The following EPHB1 variants were observed in gnomAD, a reference collection of about 807,000 sequenced individuals.
EPHB1 encodes the protein ephrin type-B receptor 1.
In EPHB1, 30 loss-of-function variants were observed where a neutral mutation model predicts 94.4. The ratio of observed to expected loss-of-function variants is 0.32; its 90% CI spans 0.24 to 0.43. EPHB1 has a LOEUF of 0.43. EPHB1 is among the 20% of genes least tolerant of loss of function. EPHB1 has a pLI of 1.00. For missense variants in EPHB1, 1,055 were observed against 1,308.3 expected (o/e 0.81, Z 2.99); for synonymous variants, 522 against 489.1 (o/e 1.07, Z -0.89).
chr3:134,876,000 G>T (rs759859025), intron 1 of EPHB1, among the ~76,000 whole-genome samples: 31 of 152,120 alleles, frequency 2.0e-4, no homozygotes, highest in African/African-American at 6.8e-4. Context: ...TTCAGCTTTC[G>T]CATGGGAAAT....
chr3:135,209,110 G>A (rs1365073253), intron 12 of EPHB1, among the ~76,000 whole-genome samples: 1 of 152,170 alleles, frequency 6.6e-6, no homozygotes, highest in Non-Finnish European at 1.5e-5. Context: ...GGGCTATTGA[G>A]TCCACACTAA....
chr3:135,221,967 G>A lies in EPHB1; in HGVS notation c.2347-19181G>A, dbSNP rs529059743. Reference sequence around the variant, plus strand: ...GACATTCTAAATATAATTATTAATAGCAATAAGCAGAACTATTTCTTTTCA... The same window carrying A: ...GACATTCTAAATATAATTATTAATAACAATAAGCAGAACTATTTCTTTTCA... On this transcript the variant is annotated intron_variant, in intron 12 of 15. Transcript: ENST00000398015. 1.5e-4 allele frequency among the ~76,000 whole-genome samples: 23 copies of A among 152,242 alleles called. No individual in the cohort carries two copies. In the East Asian group the frequency reaches 3.3e-3, roughly 22 times the overall value.
chr3:134,920,260 T>G (rs2038657213), intron 1 of EPHB1, among the ~76,000 whole-genome samples: 1 of 152,212 alleles, frequency 6.6e-6, no homozygotes, highest in Non-Finnish European at 1.5e-5. Flanking sequence ...TGCAGCTCTC[T>G]TGCAAGGATC....
chr3:134,929,079 A>G (rs1043769852), intron 2 of EPHB1, among the ~76,000 whole-genome samples: 1 of 152,164 alleles, frequency 6.6e-6, no homozygotes, highest in Non-Finnish European at 1.5e-5. Flanking sequence ...AGCAGTTGGT[A>G]AGAGAAGGAG....
chr3:135,033,746 A>G (rs377056994), intron 3 of EPHB1, among the ~76,000 whole-genome samples: 4 of 152,240 alleles, frequency 2.6e-5, no homozygotes, highest in East Asian at 1.9e-4. Flanking sequence ...ATTGTTTGCA[A>G]ATAGGTTGAG....
chr3:135,030,439 A>G (rs2107759725), intron 3 of EPHB1, among the ~76,000 whole-genome samples: 1 of 152,230 alleles, frequency 6.6e-6, no homozygotes, highest in Admixed American at 6.5e-5. Context: ...TTTTCCTTCT[A>G]ACAGACAGGA....
chr3:135,151,504 T>A (rs1941193098), intron 5 of EPHB1, among the ~76,000 whole-genome samples: 1 of 152,208 alleles, frequency 6.6e-6, no homozygotes, highest in Non-Finnish European at 1.5e-5. Flanking sequence ...CCTTTCCATT[T>A]TTTCATGTAC....
intron 4 of EPHB1, among the ~76,000 whole-genome samples, chr3:135,127,834 C>T (rs1395218162): frequency 6.6e-6 from 1 of 152,144 alleles, no homozygotes; most frequent in Non-Finnish European, 1.5e-5. Flanking sequence ...TCCTGTTTAA[C>T]TCCAGTGACA....
rs1221346961 is a variant in EPHB1, at chr3:135,106,380, C to T, written c.806-68C>T. 19 of 1,569,540 alleles carry T rather than the reference C, an allele frequency of 1.2e-5. No homozygotes were observed. In the East Asian group the frequency reaches 1.6e-4, roughly 13 times the overall value. ...TTTAGAGAGGAAGACACTCCTTTTC[C>T]GGTTGTAGGGAAGAGTTTCTGGCTG... On this transcript the variant is annotated intron_variant, in intron 3 of 15. Transcript: ENST00000398015.
chr3:135,150,900 C>G (rs955460984), intron 5 of EPHB1, among the ~76,000 whole-genome samples: 1 of 152,192 alleles, frequency 6.6e-6, no homozygotes, highest in Non-Finnish European at 1.5e-5. Flanking sequence ...CACCTGGGCT[C>G]TCCTCTCAAA....
chr3:135,171,407 CTTGT>C (rs1559860473), intron 9 of EPHB1, among the ~76,000 whole-genome samples: 2 of 152,132 alleles, frequency 1.3e-5, no homozygotes, highest in East Asian at 3.8e-4. Flanking sequence ...TATTCAATCT[CTTGT>C]TTGTTTGATT....
intron 12 of EPHB1, among the ~76,000 whole-genome samples, chr3:135,240,308 T>A (rs1220333347): frequency 6.6e-6 from 1 of 152,154 alleles, no homozygotes; most frequent in African/African-American, 2.4e-5. Context: ...ATTGCCTATT[T>A]GTTGATGGGA....
At chr3:135,024,721 A>T (rs1936088640) in intron 3 of EPHB1, among the ~76,000 whole-genome samples, 1 of 152,204 alleles carries the variant, frequency 6.6e-6, no homozygotes, top group African/African-American at 2.4e-5. Context: ...AAAAGGAAAA[A>T]ATCAGTTTCC....
At chr3:134,998,800 AT>A (rs1935080883) in intron 3 of EPHB1, among the ~76,000 whole-genome samples, 1 of 152,214 alleles carries the variant, frequency 6.6e-6, no homozygotes, top group Admixed American at 6.5e-5. Context: ...ACAGTGTCTC[AT>A]TCATAATATT....
At chr3:134,875,722 G>T (rs1032562654) in intron 1 of EPHB1, among the ~76,000 whole-genome samples, 1 of 152,152 alleles carries the variant, frequency 6.6e-6, no homozygotes. Flanking sequence ...TGATTATTGT[G>T]TTTACCTATT....
chr3:135,258,788 A>G (rs1933525031), intron 15 of EPHB1, among the ~76,000 whole-genome samples: 1 of 152,240 alleles, frequency 6.6e-6, no homozygotes, highest in African/African-American at 2.4e-5. Flanking sequence ...AACAAGGCAC[A>G]GCACTCCCAG....
chr3:135,062,530 A>G (rs1327940332), intron 3 of EPHB1, among the ~76,000 whole-genome samples: 1 of 151,570 alleles, frequency 6.6e-6, no homozygotes, highest in Non-Finnish European at 1.5e-5. Context: ...CCACTTTTTG[A>G]TGGGGTTTTT....
At chr3:134,900,799 C>T (rs1394544683) in intron 1 of EPHB1, among the ~76,000 whole-genome samples, 13 of 151,874 alleles carry the variant, frequency 8.6e-5, no homozygotes, top group Non-Finnish European at 1.8e-4. Context: ...TGTGTTGGTA[C>T]AGGTGGATGT....
At chr3:134,800,786 G>A (rs2108282184) in intron 1 of EPHB1, among the ~76,000 whole-genome samples, 1 of 152,292 alleles carries the variant, frequency 6.6e-6, no homozygotes. Context: ...GGAAACTGCT[G>A]ATGAGATCTA....
Sources: allele counts gnomAD v4.1 joint callset (sites outside exome capture counted in the v4.1 genomes callset), GRCh38; gene constraint gnomAD v4.1.1; transcripts MANE v1.5; gene names NCBI Gene and HGNC (gene_info 2026-07-23, HGNC 2026-07-21).